LGR6: variants seen among roughly 807,000 people sequenced by gnomAD.
The protein encoded by LGR6 is leucine-rich repeat-containing G protein-coupled receptor 6.
A neutral mutation model predicts 69.4 loss-of-function variants in LGR6; 45 were observed. The observed-to-expected ratio is 0.65, with a 90% CI of 0.51 to 0.83. The LOEUF is 0.83. LGR6 is among the 40% of genes least tolerant of loss of function. LGR6 has a pLI of 0.00. For synonymous variants in LGR6, 538 were observed against 555.0 expected, an observed-to-expected ratio of 0.97 and a Z score of 0.43; for missense variants, 1,108 against 1,246.7, an observed-to-expected ratio of 0.89 and a Z score of 1.68.
At chr1:202,299,843 A>G (rs788823) in intron 7 of LGR6, among the ~76,000 whole-genome samples, 73,632 of 151,934 alleles carry the variant, frequency 0.48, 18,759 homozygotes, top group East Asian at 0.7. Context: ...GAAGGAAAGG[A>G]GCCTGCTCCG....
At chr1:202,253,668 G>A (rs1326979984) in intron 4 of LGR6, among the ~76,000 whole-genome samples, 16 of 113,010 alleles carry the variant, frequency 1.4e-4, no homozygotes, top group South Asian at 8.8e-4. Flanking sequence ...TCACTCTGTC[G>A]CCCAGGCTGG....
intron 4 of LGR6, among the ~76,000 whole-genome samples, chr1:202,272,694 A>G (rs891571037): frequency 5.3e-5 from 8 of 152,254 alleles, no homozygotes; most frequent in Non-Finnish European, 1.2e-4. Flanking sequence ...TATGGGTTAC[A>G]CAAAATGCAG....
Position 202,194,055 on chromosome 1 carries a change from C to T in LGR6, c.66C>T (p.Ala22=). The change falls in exon 1 of 18, where the codon GCC becomes GCT. Residue 22 remains alanine (A), a synonymous_variant. Coordinates refer to ENST00000367278, the MANE Select transcript of LGR6 (RefSeq NM_001017403.2). ...LCAALCASRR[A]GGAPQPGPGP... ...CCGCGCTGTGCGCTTCCCGGAGGGC[C>T]GGCGGCGCCCCCCAGCCCGGCCCGG... is the stretch of plus-strand genomic sequence containing the variant. 1 of 1,396,730 alleles carries T rather than the reference C, an allele frequency of 7.2e-7. No homozygotes were observed. The highest frequency in any genetic ancestry group is 9.2e-7 in the Non-Finnish European group (1 of 1,083,334). The allele number at this position is 1,396,730 out of a possible 1,614,324, so 86.5% of individuals were successfully genotyped here.
At chr1:202,198,707 T>G in intron 1 of LGR6, among the ~76,000 whole-genome samples, 1 of 147,476 alleles carries the variant, frequency 6.8e-6, no homozygotes, top group Non-Finnish European at 1.5e-5. Flanking sequence ...AAGAGTACAG[T>G]CTGAAAATCC....
At chr1:202,251,298 A>G (rs1663220060) in intron 4 of LGR6, among the ~76,000 whole-genome samples, 1 of 152,172 alleles carries the variant, frequency 6.6e-6, no homozygotes, top group African/African-American at 2.4e-5. Context: ...GGAATGAGAA[A>G]AGAAACTCGT....
chr1:202,239,514 G>T (rs1416320152), intron 4 of LGR6, among the ~76,000 whole-genome samples: 1 of 152,048 alleles, frequency 6.6e-6, no homozygotes, highest in African/African-American at 2.4e-5. Flanking sequence ...GGGGAGCCAC[G>T]GGAGGGCTTT....
intron 4 of LGR6, among the ~76,000 whole-genome samples, chr1:202,251,798 C>G (rs1318578767): frequency 2.0e-5 from 3 of 152,104 alleles, no homozygotes; most frequent in African/African-American, 2.4e-5. Flanking sequence ...AAACCCCCCT[C>G]AGAACATCTG....
chr1:202,237,796 C>A (rs559726549), intron 4 of LGR6, among the ~76,000 whole-genome samples: 87 of 152,264 alleles, frequency 5.7e-4, no homozygotes, highest in Middle Eastern at 6.8e-3. Context: ...TTTTTGCAAT[C>A]CTGCAAGAAG....
chr1:202,297,438 C>T (rs2148244758), intron 6 of LGR6, 70 bp from the exon 7 acceptor site: 2 of 1,311,608 alleles, frequency 1.5e-6, no homozygotes, highest in Admixed American at 2.1e-5. Flanking sequence ...AGCCAAGTTT[C>T]CATTTCTCAG....
At chr1:202,306,148 C>T (rs1003588120) in intron 12 of LGR6, among the ~76,000 whole-genome samples, 2 of 152,168 alleles carry the variant, frequency 1.3e-5, no homozygotes, top group Non-Finnish European at 2.9e-5. Context: ...CTTTTCCATA[C>T]CTCTAAACAC....
At chr1:202,247,113 G>A (rs1160442654) in intron 4 of LGR6, among the ~76,000 whole-genome samples, 1 of 152,228 alleles carries the variant, frequency 6.6e-6, no homozygotes, top group African/African-American at 2.4e-5. Context: ...TAGTGAACTG[G>A]AATCTTCAGG....
rs549492029 is a variant in LGR6, at chr1:202,222,472, G to A, written c.213-2951G>A. ...AGGCTCTGCGGCCCGGCCCCTGGGG[G>A]GACAGCTGAGTGATGAGGCCTGAGT... On this transcript the variant is annotated intron_variant, in intron 1 of 17. Transcript: ENST00000367278. Among the ~76,000 whole-genome samples the A allele has an allele frequency of 5.3e-5, 8 of 152,266 alleles. No homozygotes were observed. The South Asian group carries it at 1.7e-3, about 32-fold the overall frequency.
At position 202,273,709 on chromosome 1, in the gene LGR6, G is replaced by A. The variant is rs549734308; in HGVS notation, c.429-2597G>A. Among the ~76,000 whole-genome samples, 177 of 152,128 alleles carry A rather than the reference G, an allele frequency of 1.2e-3. 1 individual carries two copies. Among genetic ancestry groups the A allele is most frequent in the Non-Finnish European group, 2.0e-3 (133 of 68,004 alleles). ...GACATCAGGTGATCCGCCCACCTCA[G>A]CCTCCCAAAATGCTGGGATTACAGG... On this transcript the variant is annotated intron_variant, in intron 4 of 17. Transcript: ENST00000367278.
At chr1:202,232,101 C>CAAAA (rs34791544) in intron 3 of LGR6, among the ~76,000 whole-genome samples, 1 of 143,488 alleles carries the variant, frequency 7.0e-6, no homozygotes. Context: ...AACGCCGTCT[C>CAAAA]AAAAAAAAAA....
At chr1:202,207,754 C>G (rs542522652) in intron 1 of LGR6, among the ~76,000 whole-genome samples, 2 of 152,170 alleles carry the variant, frequency 1.3e-5, no homozygotes. Flanking sequence ...GGGATGACAA[C>G]GATGCCCTTG....
intron 6 of LGR6, among the ~76,000 whole-genome samples, chr1:202,287,105 A>C (rs1017879373): frequency 1.2e-4 from 19 of 152,236 alleles, no homozygotes; most frequent in African/African-American, 4.1e-4. Context: ...AACAAAGTTC[A>C]GGTCTGGCCC....
chr1:202,295,584 C>T (rs1030514645), intron 6 of LGR6, among the ~76,000 whole-genome samples: 1 of 152,184 alleles, frequency 6.6e-6, no homozygotes, highest in Non-Finnish European at 1.5e-5. Flanking sequence ...TCTGTAGCCC[C>T]TGGTAGAACT....
At chr1:202,254,886 GACTCTGTCTCT>G (rs1476252035) in intron 4 of LGR6, among the ~76,000 whole-genome samples, 1 of 139,206 alleles carries the variant, frequency 7.2e-6, no homozygotes, top group African/African-American at 2.6e-5. Context: ...CAATAGTTGA[GACTCTGTCTCT>G]ACAAAAAAAA....
intron 4 of LGR6, among the ~76,000 whole-genome samples, chr1:202,259,927 G>A (rs1359831735): frequency 6.6e-6 from 1 of 152,206 alleles, no homozygotes. Context: ...GTCCTGCGCT[G>A]CCTGTTGTCC....
Sources: gnomAD v4.1 joint callset for allele counts (sites outside exome capture counted in the v4.1 genomes callset) on GRCh38, gnomAD v4.1.1 for gene constraint, MANE v1.5 for transcripts, NCBI Gene and HGNC (gene_info 2026-07-23, HGNC 2026-07-21) for gene names.